The following CDH2 variants were observed in gnomAD, a reference collection of about 807,000 sequenced individuals.
CDH2 encodes the protein cadherin-2.
Under a neutral mutation model 92.0 loss-of-function variants are expected in CDH2, and 17 were observed. The ratio of observed to expected loss-of-function variants is 0.18; its 90% CI spans 0.13 to 0.28. The LOEUF (loss-of-function observed/expected upper bound fraction) is 0.28. Ranked by LOEUF, CDH2 falls within the 10% of genes least tolerant of loss-of-function variation. The pLI, the probability that CDH2 is intolerant of heterozygous loss-of-function variation, is 1.00. For missense variants in CDH2, 862 were observed against 1,133.1 expected, an observed-to-expected ratio of 0.76 and a Z score of 3.44; for synonymous variants, 419 against 415.9, an observed-to-expected ratio of 1.01 and a Z score of -0.09.
intron 2 of CDH2, chr18:28,036,511 T>G: frequency 6.2e-7 from 1 of 1,606,732 alleles, no homozygotes; most frequent in Non-Finnish European, 8.5e-7. Flanking sequence ...CTTTAATTTC[T>G]CAGTGAAGAT....
At chr18:28,118,441 G>T (rs2015531817) in intron 2 of CDH2, among the ~76,000 whole-genome samples, 1 of 151,964 alleles carries the variant, frequency 6.6e-6, no homozygotes, top group East Asian at 1.9e-4. Flanking sequence ...TATTTTCAAA[G>T]AATATTGTTA....
intron 2 of CDH2, among the ~76,000 whole-genome samples, chr18:28,142,032 T>A (rs2015962232): frequency 6.6e-6 from 1 of 152,072 alleles, no homozygotes; most frequent in Non-Finnish European, 1.5e-5. Flanking sequence ...CTGCTTTATT[T>A]TTCTCCATAG....
At chr18:28,118,468 C>T (rs948993233) in intron 2 of CDH2, among the ~76,000 whole-genome samples, 1 of 152,022 alleles carries the variant, frequency 6.6e-6, no homozygotes, top group African/African-American at 2.4e-5. Context: ...ACAAATTCCA[C>T]AGTTCTCATT....
chr18:28,144,845 A>G (rs1052048011), intron 2 of CDH2, among the ~76,000 whole-genome samples: 2 of 152,112 alleles, frequency 1.3e-5, no homozygotes, highest in African/African-American at 4.8e-5. Context: ...GTTAAAAACT[A>G]GAAGATAAAT....
chr18:28,116,988 G>T, intron 2 of CDH2, among the ~76,000 whole-genome samples: 1 of 152,242 alleles, frequency 6.6e-6, no homozygotes. Flanking sequence ...TCCTACAGAT[G>T]TGCCCACGAT....
At position 27,992,781 on chromosome 18, in the gene CDH2, G is replaced by A. The variant is rs375945589; in HGVS notation, c.1218C>T (p.Thr406=). The change falls in exon 9 of 16, where the codon ACC becomes ACT. Residue 406 remains threonine (T), a synonymous_variant. Transcript: ENST00000269141. ...CTGGTGTATGGGGTTGATCCTTATC[G>A]GTCACAGTTAGATTAGCTACTATGA... ...VDIIVANLTV[T]DKDQPHTPAW... is the part of the protein sequence containing the mutation. 23 of 1,613,598 alleles carry A rather than the reference G, an allele frequency of 1.4e-5. No homozygotes were observed. The highest frequency in any genetic ancestry group is 3.3e-5 in the South Asian group (3 of 91,052).
intron 2 of CDH2, among the ~76,000 whole-genome samples, chr18:28,096,903 G>A (rs960507863): frequency 6.6e-6 from 1 of 152,220 alleles, no homozygotes; most frequent in South Asian, 2.1e-4. Context: ...ACTTGAGCAA[G>A]ATCAAAATTA....
intron 2 of CDH2, among the ~76,000 whole-genome samples, chr18:28,053,696 C>T (rs947636071): frequency 6.6e-5 from 10 of 152,080 alleles, no homozygotes; most frequent in African/African-American, 1.9e-4. Flanking sequence ...GAGGGCTGCC[C>T]GTTTCAAGAT....
chr18:28,104,738 T>C (rs944556132), intron 2 of CDH2, among the ~76,000 whole-genome samples: 2 of 144,138 alleles, frequency 1.4e-5, no homozygotes, highest in African/African-American at 2.7e-5. Context: ...CTGTAATATA[T>C]ATCTATCTTC....
chr18:27,953,854 A>G (rs1399275815), intron 15 of CDH2, among the ~76,000 whole-genome samples: 3 of 152,170 alleles, frequency 2.0e-5, no homozygotes, highest in Admixed American at 1.3e-4. Flanking sequence ...AGCTCAATGA[A>G]TATTAGTTAG....
At chr18:28,173,293 T>C (rs17536968) in intron 1 of CDH2, among the ~76,000 whole-genome samples, 17,219 of 152,130 alleles carry the variant, frequency 0.11, 3,213 homozygotes, top group African/African-American at 0.39. Flanking sequence ...TTGTAACCTT[T>C]CACCTATTAG....
intron 3 of CDH2, among the ~76,000 whole-genome samples, chr18:28,013,264 G>C (rs559693971): frequency 6.6e-6 from 1 of 152,068 alleles, no homozygotes; most frequent in African/African-American, 2.4e-5. Context: ...ATTATTAAGG[G>C]ACAAGACAAA....
chr18:28,116,089 G>C (rs1725861745), intron 2 of CDH2, among the ~76,000 whole-genome samples: 1 of 152,132 alleles, frequency 6.6e-6, no homozygotes, highest in African/African-American at 2.4e-5. Flanking sequence ...ATGGGTAGAG[G>C]TCAGGAATGC....
At chr18:28,089,725 A>T (rs932345565) in intron 2 of CDH2, among the ~76,000 whole-genome samples, 2 of 152,204 alleles carry the variant, frequency 1.3e-5, no homozygotes, top group African/African-American at 4.8e-5. Context: ...AAGATTAAAG[A>T]AAGTAAGGTT....
chr18:28,144,812 T>C (rs999433127), intron 2 of CDH2, among the ~76,000 whole-genome samples: 1 of 152,102 alleles, frequency 6.6e-6, no homozygotes, highest in South Asian at 2.1e-4. Flanking sequence ...ACACCCTTTT[T>C]ATGATTTCAC....
chr18:27,954,591 T>C (rs2143859193), intron 15 of CDH2: 1 of 152,318 alleles, frequency 6.6e-6, no homozygotes, highest in African/African-American at 2.4e-5. Context: ...GATCAGGAAC[T>C]GAGTCACTGA....
chr18:28,148,005 G>A (rs780217486), intron 1 of CDH2, among the ~76,000 whole-genome samples: 3 of 152,126 alleles, frequency 2.0e-5, no homozygotes, highest in African/African-American at 4.8e-5. Context: ...CAGTAAAAGC[G>A]AAATAATACA....
intron 6 of CDH2, among the ~76,000 whole-genome samples, chr18:27,941,799 G>A (rs181308409): frequency 6.6e-6 from 1 of 152,312 alleles, no homozygotes; most frequent in African/African-American, 2.4e-5. Context: ...AATCTCCAGA[G>A]TAATAAAGTT....
intron 14 of CDH2, among the ~76,000 whole-genome samples, chr18:27,976,618 G>T (rs1464208437): frequency 1.3e-5 from 2 of 152,094 alleles, no homozygotes; most frequent in African/African-American, 2.4e-5. Flanking sequence ...AACAATATAC[G>T]CCTATTTTAC....
Sources: allele counts gnomAD v4.1 joint callset (sites outside exome capture counted in the v4.1 genomes callset), GRCh38; gene constraint gnomAD v4.1.1; transcripts MANE v1.5; gene names NCBI Gene and HGNC (gene_info 2026-07-23, HGNC 2026-07-21).